CCDC134: variants seen among roughly 807,000 people sequenced by gnomAD.
The protein encoded by CCDC134 is coiled-coil domain containing 134.
CCDC134 carries 27 observed loss-of-function variants against 25.6 expected under a neutral mutation model. The observed-to-expected ratio is 1.05, with a 90% CI of 0.78 to 1.45. The LOEUF (loss-of-function observed/expected upper bound fraction) is 1.45, where lower values mean the gene tolerates loss of function less well. CCDC134 is among the 40% of genes most tolerant of loss of function. The pLI is 0.00. For missense variants in CCDC134, 261 were observed against 286.7 expected, an observed-to-expected ratio of 0.91 and a Z score of 0.65; for synonymous variants, 110 against 115.0, an observed-to-expected ratio of 0.96 and a Z score of 0.28.
At chr22:41,819,996 T>TATATATATATATATATATATATAG (rs1019930583) in intron 6 of CCDC134, among the ~76,000 whole-genome samples, 1 of 132,398 alleles carries the variant, frequency 7.6e-6, no homozygotes, top group African/African-American at 3.1e-5. Flanking sequence ...TATATATATA[T>TATATATATATATATATATATATAG]ATAATTTTTT....
At position 41,826,070 on chromosome 22, in the gene CCDC134, G is replaced by T; in HGVS notation, c.*247G>T. ...GATTTTATGCTGGAAATATGACCCT[G>T]TGCAGACTGCTGGGGGAGGCAGGAG... On this transcript the variant is annotated 3_prime_UTR_variant, in exon 7 of 7. Transcript: ENST00000255784. 2.5e-6 allele frequency: 1 copy of T among 401,352 alleles called. No homozygotes were observed. The highest frequency in any genetic ancestry group is 4.6e-6 in the Non-Finnish European group (1 of 216,344). The allele number at this position is 401,352 out of a possible 1,614,324, so 24.9% of individuals were successfully genotyped here. A position where few individuals can be genotyped will look rare whatever the true frequency, so the allele number is the denominator to read the frequency against.
At chr22:41,807,640 T>C (rs569988437) in intron 1 of CCDC134, among the ~76,000 whole-genome samples, 1 of 151,248 alleles carries the variant, frequency 6.6e-6, no homozygotes, top group East Asian at 1.9e-4. Flanking sequence ...AAAAGATGCA[T>C]CCTTTCAAGG....
Position 41,825,335 on chromosome 22 carries a change from C to T in CCDC134, c.565-363C>T, listed in dbSNP as rs541635338. On this transcript the variant is annotated intron_variant, in intron 6 of 6. Transcript: ENST00000255784. This position sits in a 1 kb window ranked among gnomAD's most constrained non-coding sequence, Gnocchi z 4.4. ...TGTGACTCTGGCTGACCTCCCTCCT[C>T]TCCTCCTGAAGGGTGCAGCAGGTGT... is the stretch of plus-strand genomic sequence containing the variant. Among the ~76,000 whole-genome samples, 3 of 152,012 alleles carry T rather than the reference C, an allele frequency of 2.0e-5. No individual in the cohort carries two copies. Among genetic ancestry groups the T allele is most frequent in the African/African-American group, 7.2e-5 (3 of 41,446 alleles).
chr22:41,810,173 G>A lies in CCDC134; in HGVS notation c.226-34G>A, dbSNP rs1438120435. On this transcript the variant is annotated intron_variant, in intron 3 of 6. Coordinates refer to ENST00000255784, the MANE Select transcript of CCDC134 (RefSeq NM_024821.5). ...ATGGGAGCAGTCTGTGATGGGCACT[G>A]CGAAGCCACTCAGCCCTGGCGGGAT... 4 of 1,610,606 alleles carry A rather than the reference G, an allele frequency of 2.5e-6. No individual in the cohort carries two copies. In the South Asian group the frequency reaches 4.4e-5, roughly 18 times the overall value.
rs67246997 is a variant in CCDC134, at chr22:41,830,884, C to CTTTTTT, written c.*5078_*5083dup. Among the ~76,000 whole-genome samples the CTTTTTT allele has an allele frequency of 3.0e-3, 357 of 117,236 alleles. 1 individual carries two copies. The highest frequency in any genetic ancestry group is 7.0e-3 in the African/African-American group (179 of 25,486). 76.9% of individuals were successfully genotyped at this position (117,236 alleles called of 152,430 possible). A position where few individuals can be genotyped will look rare whatever the true frequency, so the allele number is the denominator to read the frequency against. ...AGATCCTTATTTTTTCTTTTCTTTT[C>CTTTTTT]TTTTTTTTTTTTTTTTTTTTTTGAG... On this transcript the variant is annotated 3_prime_UTR_variant, in exon 7 of 7. Coordinates refer to ENST00000255784, the MANE Select transcript of CCDC134 (RefSeq NM_024821.5).
intron 6 of CCDC134, among the ~76,000 whole-genome samples, chr22:41,823,397 G>A (rs2076661553): frequency 6.6e-6 from 1 of 151,764 alleles, no homozygotes; most frequent in African/African-American, 2.4e-5. Flanking sequence ...ACTAATTTTT[G>A]TATTTTTCAG....
intron 1 of CCDC134, among the ~76,000 whole-genome samples, chr22:41,802,163 G>C (rs2076546741): frequency 6.7e-6 from 1 of 149,210 alleles, no homozygotes; most frequent in Non-Finnish European, 1.5e-5. Context: ...TGTCAGAGTT[G>C]TTGTTCTTGT....
chr22:41,822,346 G>GT (rs2076656452), intron 6 of CCDC134, among the ~76,000 whole-genome samples: 1 of 152,284 alleles, frequency 6.6e-6, no homozygotes, highest in South Asian at 2.1e-4. Context: ...GCACAGGGAG[G>GT]TACAGTAATC....
chr22:41,819,978 T>TATATAC (rs1556020987), intron 6 of CCDC134, among the ~76,000 whole-genome samples: 85 of 125,036 alleles, frequency 6.8e-4, no homozygotes, highest in South Asian at 1.5e-3. Context: ...TATATATATA[T>TATATAC]ATATATATAT....
At chr22:41,823,051 T>C (rs972827080) in intron 6 of CCDC134, among the ~76,000 whole-genome samples, 1 of 152,234 alleles carries the variant, frequency 6.6e-6, no homozygotes, top group East Asian at 1.9e-4. Flanking sequence ...ACAGCACAGC[T>C]ACCTGAGTTG....
chr22:41,822,236 C>G (rs927924241), intron 6 of CCDC134, among the ~76,000 whole-genome samples: 7 of 151,986 alleles, frequency 4.6e-5, no homozygotes, highest in Non-Finnish European at 7.4e-5. Flanking sequence ...GGGGCTCTAT[C>G]CTGGAGCCAG....
chr22:41,810,509 T>C (rs1262564821), intron 4 of CCDC134, among the ~76,000 whole-genome samples: 1 of 142,844 alleles, frequency 7.0e-6, no homozygotes, highest in East Asian at 2.0e-4. Flanking sequence ...TTTTTTTTTT[T>C]TTTTTGAGAC....
At chr22:41,824,092 A>G (rs2076664735) in intron 6 of CCDC134, among the ~76,000 whole-genome samples, 1 of 152,188 alleles carries the variant, frequency 6.6e-6, no homozygotes, top group African/African-American at 2.4e-5. Context: ...CTATCCTCCT[A>G]CCCTCATGGA....
At chr22:41,801,949 C>T (rs1182291737) in intron 1 of CCDC134, among the ~76,000 whole-genome samples, 1 of 152,140 alleles carries the variant, frequency 6.6e-6, no homozygotes, top group Non-Finnish European at 1.5e-5. Flanking sequence ...GATAGTTATC[C>T]TTGGCTACAA....
rs2076675247 is a variant in CCDC134, at chr22:41,825,841, G to C, written c.*18G>C. 1.2e-6 allele frequency: 2 copies of C among 1,613,022 alleles called. No individual in the cohort carries two copies. Among genetic ancestry groups the C allele is most frequent in the Non-Finnish European group, 1.7e-6 (2 of 1,179,410 alleles). On this transcript the variant is annotated 3_prime_UTR_variant, in exon 7 of 7. Transcript: ENST00000255784. This position sits in a 1 kb window ranked among gnomAD's most constrained non-coding sequence, Gnocchi z 4.4. ...AGTTATAGCCCTGGAGCAGCTCAGG[G>C]CTCAGGGGGCCACAAGGAGGCAGGT...
intron 4 of CCDC134, among the ~76,000 whole-genome samples, chr22:41,812,597 A>C (rs895167197): frequency 1.3e-5 from 2 of 152,172 alleles, no homozygotes; most frequent in African/African-American, 2.4e-5. Flanking sequence ...CAGGAGTTTG[A>C]GATCAGCCTG....
chr22:41,820,634 G>C (rs1008051664), intron 6 of CCDC134, among the ~76,000 whole-genome samples: 1 of 152,216 alleles, frequency 6.6e-6, no homozygotes, highest in Non-Finnish European at 1.5e-5. Flanking sequence ...AGTAGAGCCA[G>C]TGGGATTTGC....
At chr22:41,805,867 G>T (rs2076565183) in intron 1 of CCDC134, among the ~76,000 whole-genome samples, 1 of 152,166 alleles carries the variant, frequency 6.6e-6, no homozygotes, top group Non-Finnish European at 1.5e-5. Flanking sequence ...AGCCCAAGAG[G>T]TTGAGGCTGC....
chr22:41,821,911 T>C (rs945189627), intron 6 of CCDC134, among the ~76,000 whole-genome samples: 1 of 151,946 alleles, frequency 6.6e-6, no homozygotes. Flanking sequence ...CTCTGTGAGA[T>C]AGAAAGCAAG....
Sources: gnomAD v4.1 joint callset for allele counts (sites outside exome capture counted in the v4.1 genomes callset) on GRCh38, gnomAD v4.1.1 for gene constraint, Gnocchi (gnomAD v3.1) non-coding constraint, MANE v1.5 for transcripts, NCBI Gene and HGNC (gene_info 2026-07-23, HGNC 2026-07-21) for gene names.